SLC25A26: variants seen among roughly 807,000 people sequenced by gnomAD.
SLC25A26 encodes the protein mitochondrial S-adenosylmethionine carrier protein.
In SLC25A26, 36 loss-of-function variants were observed where a neutral mutation model predicts 37.8. That is an observed-to-expected ratio of 0.95 (90% CI 0.73 to 1.26). SLC25A26 has a LOEUF of 1.26. SLC25A26 is among the 50% of genes most tolerant of loss of function. The pLI, the probability that SLC25A26 is intolerant of heterozygous loss-of-function variation, is 0.00. For missense variants in SLC25A26, 390 were observed against 331.1 expected (o/e 1.18, Z -1.38); for synonymous variants, 129 against 122.5 (o/e 1.05, Z -0.35).
At chr3:66,232,128 G>A (rs1429342314) in intron 1 of SLC25A26, among the ~76,000 whole-genome samples, 3 of 152,022 alleles carry the variant, frequency 2.0e-5, no homozygotes, top group Non-Finnish European at 2.9e-5. Flanking sequence ...CTGGATCAAA[G>A]GTTTGATAAT....
chr3:66,241,295 A>G (rs1239992917), intron 2 of SLC25A26, among the ~76,000 whole-genome samples: 1 of 152,154 alleles, frequency 6.6e-6, no homozygotes, highest in African/African-American at 2.4e-5. Flanking sequence ...AAATCCCAGG[A>G]TGATTCTTAA....
chr3:66,377,949 C>T lies in SLC25A26; in HGVS notation c.*142C>T. The T allele has an allele frequency of 1.5e-6, 1 of 664,294 alleles. No homozygotes were observed. Among genetic ancestry groups the T allele is most frequent in the Admixed American group, 2.6e-5 (1 of 38,080 alleles). 41.1% of individuals were successfully genotyped at this position (664,294 alleles called of 1,614,324 possible). A position where few individuals can be genotyped will look rare whatever the true frequency, so the allele number is the denominator to read the frequency against. Reference sequence around the variant, plus strand: ...GATACCGGCATGGAGATTGTGCCATCCGTGGTATAGGCTGGCTGGTATGAA... The same window carrying T: ...GATACCGGCATGGAGATTGTGCCATTCGTGGTATAGGCTGGCTGGTATGAA... On this transcript the variant is annotated 3_prime_UTR_variant, in exon 10 of 10. Coordinates refer to ENST00000354883, the MANE Select transcript of SLC25A26 (RefSeq NM_001379210.1).
intron 6 of SLC25A26, among the ~76,000 whole-genome samples, chr3:66,347,523 G>T (rs1215371918): frequency 6.6e-6 from 1 of 152,218 alleles, no homozygotes; most frequent in East Asian, 1.9e-4. Flanking sequence ...TACACTGTTG[G>T]TGGGAATGTA....
At chr3:66,364,272 T>A (rs2076777372) in intron 7 of SLC25A26, among the ~76,000 whole-genome samples, 1 of 151,790 alleles carries the variant, frequency 6.6e-6, no homozygotes, top group African/African-American at 2.4e-5. Flanking sequence ...TACTCTGTAA[T>A]AGACACTAAG....
intron 1 of SLC25A26, among the ~76,000 whole-genome samples, chr3:66,186,688 A>T (rs1559567547): frequency 6.6e-6 from 1 of 151,660 alleles, no homozygotes; most frequent in Non-Finnish European, 1.5e-5. Context: ...ACTGACCATA[A>T]CCCTGACCAC....
At chr3:66,354,032 T>G (rs1233611926) in intron 6 of SLC25A26, among the ~76,000 whole-genome samples, 1 of 152,248 alleles carries the variant, frequency 6.6e-6, no homozygotes, top group African/African-American at 2.4e-5. Flanking sequence ...GTACATTCTT[T>G]TAAAGGTATG....
intron 5 of SLC25A26, among the ~76,000 whole-genome samples, chr3:66,345,554 A>C (rs1272975922): frequency 3.1e-5 from 4 of 127,408 alleles, no homozygotes; most frequent in African/African-American, 9.2e-5. Flanking sequence ...TTTTTTACCC[A>C]TCTCTTTTCC....
intron 1 of SLC25A26, among the ~76,000 whole-genome samples, chr3:66,183,040 T>C (rs2070746883): frequency 6.6e-6 from 1 of 152,114 alleles, no homozygotes; most frequent in African/African-American, 2.4e-5. Context: ...AATGCACCTC[T>C]AAGGCCTAGG....
At chr3:66,304,886 A>G (rs1041530035) in intron 5 of SLC25A26, among the ~76,000 whole-genome samples, 7 of 152,224 alleles carry the variant, frequency 4.6e-5, no homozygotes, top group Non-Finnish European at 7.3e-5. Context: ...TATAGGGCCA[A>G]AAAGACCTGA....
At position 66,362,915 on chromosome 3, in the gene SLC25A26, G is replaced by A; in HGVS notation, c.554G>A (p.Cys185Tyr). The A allele has an allele frequency of 1.9e-6, 3 of 1,607,264 alleles. No individual in the cohort carries two copies. The highest frequency in any genetic ancestry group is 1.3e-5 in the African/African-American group (1 of 74,892). Residue 185 changes from cysteine (C) to tyrosine (Y), a missense_variant, in exon 7 of 10, where the codon TGT becomes TAT. Cys to Tyr is a radical substitution (Grantham distance 194). Coordinates refer to ENST00000354883, the MANE Select transcript of SLC25A26 (RefSeq NM_001379210.1). ...GTGGATTCTTGGCAGTCAGCAGTCT[G>A]TGGAGCTTTTGCAGGTGCAAAGGAT... ...HVVDSWQSAV[C>Y]GAFAGGFAAA...
intron 6 of SLC25A26, among the ~76,000 whole-genome samples, chr3:66,353,447 C>T (rs895449696): frequency 8.5e-5 from 13 of 152,110 alleles, no homozygotes; most frequent in South Asian, 6.2e-4. Context: ...AGGAGTACAG[C>T]CAGGATTTGA....
At position 66,160,166 on chromosome 3, in the gene SLC25A26, T is replaced by C. The variant is rs150529253; in HGVS notation, c.-354+26182T>C. Among the ~76,000 whole-genome samples the C allele has an allele frequency of 3.7e-3, 560 of 152,046 alleles. 6 individuals are homozygous for C. Among genetic ancestry groups the C allele is most frequent in the African/African-American group, 0.013 (533 of 41,482 alleles). ...TACAGTCATGCGCCACCACACCTGG[T>C]TAATTTTTTAATGGGGTTTCACCAT... is the stretch of plus-strand genomic sequence containing the variant. On this transcript the variant is annotated intron_variant, in intron 1 of 10. Coordinates refer to the SLC25A26 transcript ENST00000676754.
chr3:66,293,636 T>C (rs1238889531), intron 5 of SLC25A26, among the ~76,000 whole-genome samples: 4 of 152,068 alleles, frequency 2.6e-5, no homozygotes, highest in African/African-American at 7.2e-5. Flanking sequence ...TGAGAACATG[T>C]GGTATTTGGT....
chr3:66,306,260 G>A (rs1290370516), intron 5 of SLC25A26, among the ~76,000 whole-genome samples: 2 of 152,176 alleles, frequency 1.3e-5, no homozygotes, highest in Non-Finnish European at 1.5e-5. Flanking sequence ...GATTACAGGC[G>A]TAAGCCACTG....
upstream of SLC25A26, among the ~76,000 whole-genome samples, chr3:66,216,660 T>A (rs1177460206): frequency 6.6e-6 from 1 of 152,100 alleles, no homozygotes; most frequent in Non-Finnish European, 1.5e-5. Flanking sequence ...TTTTTTGAGC[T>A]ATGTCTTTGG....
At chr3:66,218,157 C>T (rs1310865252), upstream of SLC25A26, among the ~76,000 whole-genome samples, 3 of 150,720 alleles carry the variant, frequency 2.0e-5, no homozygotes, top group African/African-American at 7.3e-5. Context: ...CATGTTGTTT[C>T]ATATATCAGT....
intron 5 of SLC25A26, among the ~76,000 whole-genome samples, chr3:66,312,534 A>G (rs1404694943): frequency 2.5e-5 from 2 of 78,742 alleles, no homozygotes; most frequent in Non-Finnish European, 5.6e-5. Context: ...GGGTACGAAG[A>G]AAAAAAAGAA....
intron 5 of SLC25A26, among the ~76,000 whole-genome samples, chr3:66,314,781 A>G (rs1299337618): frequency 6.8e-6 from 1 of 146,272 alleles, no homozygotes; most frequent in Non-Finnish European, 1.5e-5. Flanking sequence ...TTAGTTATTT[A>G]TTACTGCCTC....
chr3:66,240,370 A>T (rs1332739344), intron 2 of SLC25A26, among the ~76,000 whole-genome samples: 1 of 152,130 alleles, frequency 6.6e-6, no homozygotes, highest in Admixed American at 6.5e-5. Flanking sequence ...GCCCACTGCA[A>T]CCTCAACCTC....
Sources: gnomAD v4.1 joint callset for allele counts (sites outside exome capture counted in the v4.1 genomes callset) on GRCh38, gnomAD v4.1.1 for gene constraint, MANE v1.5 for transcripts, NCBI Gene and HGNC (gene_info 2026-07-23, HGNC 2026-07-21) for gene names.